The following PAPOLA variants were observed in gnomAD, a reference collection of about 807,000 sequenced individuals.
PAPOLA encodes the protein poly(A) polymerase alpha, also known as polynucleotide adenylyltransferase alpha.
Under a neutral mutation model 100.6 loss-of-function variants are expected in PAPOLA, and 15 were observed. The ratio of observed to expected loss-of-function variants is 0.15; its 90% CI spans 0.10 to 0.23. The LOEUF (loss-of-function observed/expected upper bound fraction) is 0.23, where lower values mean the gene tolerates loss of function less well. Among genes scored for constraint, PAPOLA ranks in the 10% least tolerant of loss-of-function variants. The probability of loss-of-function intolerance (pLI) is 1.00; values close to 1 mark genes in which losing one functional copy is unlikely to be tolerated. For synonymous variants in PAPOLA, 293 were observed against 300.0 expected (o/e 0.98, Z 0.24); for missense variants, 533 against 884.2 (o/e 0.60, Z 5.04).
intron 15 of PAPOLA, among the ~76,000 whole-genome samples, chr14:96,544,570 C>T (rs1330345676): frequency 6.6e-6 from 1 of 152,008 alleles, no homozygotes; most frequent in Non-Finnish European, 1.5e-5. Context: ...ATCATGTTGG[C>T]ACTCACAAAT....
chr14:96,533,267 T>G, intron 9 of PAPOLA: 1 of 984,916 alleles, frequency 1.0e-6, no homozygotes, highest in Non-Finnish European at 1.2e-6. Flanking sequence ...ATTAATTGCC[T>G]TGGCCCAAAA....
chr14:96,527,690 T>C, intron 5 of PAPOLA, 151 bp downstream of exon 5: 1 of 615,002 alleles, frequency 1.6e-6, no homozygotes, highest in Non-Finnish European at 2.9e-6. Flanking sequence ...TTTTATTCTT[T>C]ACAGCAAGCC....
chr14:96,538,113 A>G (rs571355689), intron 12 of PAPOLA, among the ~76,000 whole-genome samples: 1 of 152,148 alleles, frequency 6.6e-6, no homozygotes, highest in South Asian at 2.1e-4. Flanking sequence ...GTGTAGAGGA[A>G]GTACCTTGGA....
intron 3 of PAPOLA, among the ~76,000 whole-genome samples, chr14:96,521,489 AT>A (rs1215850294): frequency 6.6e-6 from 1 of 151,934 alleles, no homozygotes; most frequent in African/African-American, 2.4e-5. Context: ...TTATTTATTT[AT>A]TTTTTATTTA....
chr14:96,542,480 T>G, intron 13 of PAPOLA, 184 bp downstream of exon 13: 1 of 558,514 alleles, frequency 1.8e-6, no homozygotes, highest in South Asian at 2.7e-5. Flanking sequence ...CAACTTATTT[T>G]TTTGTTTGCT....
intron 2 of PAPOLA, among the ~76,000 whole-genome samples, chr14:96,520,613 G>A (rs913461001): frequency 1.7e-4 from 26 of 152,282 alleles, no homozygotes; most frequent in Admixed American, 7.8e-4. Flanking sequence ...CTGAGCCTTG[G>A]TCTCCCAAAG....
chr14:96,547,915 A>C lies in PAPOLA; in HGVS notation c.1518A>C (p.Lys506Asn). 6.2e-7 allele frequency: 1 copy of C among 1,600,570 alleles called. No individual in the cohort carries two copies. The highest frequency in any genetic ancestry group is 1.8e-5 in the Admixed American group (1 of 57,130). ...LLPNHVLQKK[K>N]KHSTEGVKLT... is the part of the protein sequence containing the mutation. The stretch of plus-strand genomic sequence containing the variant: ...CTAATCATGTGCTTCAGAAAAAGAA[A>C]AAGGTAAATTTAGAAAGTACTTACA... The change falls in exon 16 of 22, where the codon AAA becomes AAC. Residue 506 changes from lysine to asparagine, a missense_variant. Lys to Asn is a moderately conservative substitution (Grantham distance 94). Transcript: ENST00000216277.
At chr14:96,534,157 TTCAG>T in intron 9 of PAPOLA, 1 of 1,059,172 alleles carries the variant, frequency 9.4e-7, no homozygotes, top group Non-Finnish European at 1.1e-6. Context: ...AATTTTGTCT[TTCAG>T]TGGAGATTTA....
rs950439593 is a variant in PAPOLA, at chr14:96,542,644, G to A, written c.1170-130G>A. On this transcript the variant is annotated intron_variant, in intron 13 of 21. Coordinates refer to ENST00000216277, the MANE Select transcript of PAPOLA (RefSeq NM_032632.5). ...TTTTCCCCGTTGTTTGGCAATTTTG[G>A]GTAGAACATAAGGCTTCTGGTTTTA... 2.8e-5 allele frequency: 23 copies of A among 817,524 alleles called. No homozygotes were observed. The African/African-American group carries it at 4.0e-4, about 14-fold the overall frequency. 50.6% of individuals were successfully genotyped at this position (817,524 alleles called of 1,614,324 possible).
At position 96,533,317 on chromosome 14, in the gene PAPOLA, G is replaced by A. The variant is rs922374409; in HGVS notation, c.836+668G>A. On this transcript the variant is annotated intron_variant, in intron 9 of 21. Coordinates refer to ENST00000216277, the MANE Select transcript of PAPOLA (RefSeq NM_032632.5). ...GTTTTTAATCAAATTAAGATAAATC[G>A]TCCATTCCTGTTCTTATGAACTCCT... 2.1e-5 allele frequency: 21 copies of A among 983,786 alleles called. 1 individual carries two copies. Among genetic ancestry groups the A allele is most frequent in the African/African-American group, 2.1e-4 (12 of 57,268 alleles). The allele number at this position is 983,786 out of a possible 1,614,324, so 60.9% of individuals were successfully genotyped here.
At chr14:96,550,842 G>T (rs1376162179) in intron 16 of PAPOLA, among the ~76,000 whole-genome samples, 1 of 152,104 alleles carries the variant, frequency 6.6e-6, no homozygotes, top group African/African-American at 2.4e-5. Flanking sequence ...GTTTTGTTTG[G>T]ACTCTTATAA....
Position 96,562,866 on chromosome 14 carries a change from G to A in PAPOLA, c.2115G>A (p.Gln705=), listed in dbSNP as rs372089180. ...ETSTTQSETI[Q]TAASLLASQK... ...GTACAACTCAATCAGAAACTATTCA[G>A]ACAGCGGCTTCTCTGTTGGCCTCTC... The change falls in exon 21 of 22, where the codon CAG becomes CAA. Residue 705 remains glutamine (Q), a synonymous_variant. Coordinates refer to ENST00000216277, the MANE Select transcript of PAPOLA (RefSeq NM_032632.5). 59 of 1,612,294 alleles carry A rather than the reference G, an allele frequency of 3.7e-5. 1 individual carries two copies. The highest frequency in any genetic ancestry group is 4.9e-5 in the Non-Finnish European group (58 of 1,178,888).
intron 15 of PAPOLA, among the ~76,000 whole-genome samples, chr14:96,546,181 G>A (rs961678404): frequency 6.6e-6 from 1 of 151,976 alleles, no homozygotes; most frequent in Non-Finnish European, 1.5e-5. Context: ...TTTGACTCCT[G>A]TTTTTTCCAT....
At chr14:96,504,239 TA>T (rs1469683801) in intron 1 of PAPOLA, 1 of 152,236 alleles carries the variant, frequency 6.6e-6, no homozygotes, top group Non-Finnish European at 1.5e-5. Flanking sequence ...ATGTAAACCT[TA>T]AAAGGCTTCA....
Position 96,565,824 on chromosome 14 carries a change from A to G in PAPOLA, c.*774A>G, listed in dbSNP as rs1357858161. 2.3e-5 allele frequency: 9 copies of G among 397,526 alleles called. No homozygotes were observed. The East Asian group carries it at 2.8e-4, about 13-fold the overall frequency. The allele number at this position is 397,526 out of a possible 1,614,324, so 24.6% of individuals were successfully genotyped here. ...CTTTTGCCTTCAATCTGTTGTCTTC[A>G]AAACAAACAAACAAAAAAAGCTTCT... On this transcript the variant is annotated 3_prime_UTR_variant, in exon 22 of 22. Coordinates refer to ENST00000216277, the MANE Select transcript of PAPOLA (RefSeq NM_032632.5).
At chr14:96,533,463 A>T (rs1899221402) in intron 9 of PAPOLA, 1 of 984,152 alleles carries the variant, frequency 1.0e-6, no homozygotes, top group South Asian at 4.7e-5. Context: ...ACCATGCCAC[A>T]CTTTTCAGTA....
intron 15 of PAPOLA, among the ~76,000 whole-genome samples, chr14:96,545,232 A>G (rs1900296029): frequency 6.6e-6 from 1 of 152,112 alleles, no homozygotes; most frequent in Non-Finnish European, 1.5e-5. Context: ...TTAAAAAGTC[A>G]GTATCGTACA....
intron 1 of PAPOLA, among the ~76,000 whole-genome samples, chr14:96,509,179 G>A (rs1038996060): frequency 3.9e-5 from 6 of 152,130 alleles, no homozygotes; most frequent in South Asian, 2.1e-4. Context: ...CTACAGGCAC[G>A]CACCACCATA....
chr14:96,534,547 C>T lies in PAPOLA; in HGVS notation c.893C>T (p.Pro298Leu). 1 of 1,613,876 alleles carries T rather than the reference C, an allele frequency of 6.2e-7. No homozygotes were observed. The highest frequency in any genetic ancestry group is 8.5e-7 in the Non-Finnish European group (1 of 1,179,852). Residue 298 changes from proline (P) to leucine (L), a missense_variant, in exon 10 of 22, where the codon CCT becomes CTT. By Grantham distance (98) the Pro-to-Leu change is moderately conservative (BLOSUM62 -3). Coordinates refer to ENST00000216277, the MANE Select transcript of PAPOLA (RefSeq NM_032632.5). ...CCTGAAGAATGCAATCTTAATTTGC[C>T]TGTATGGGACCCAAGGGTTAGTGTA... ...KQPEECNLNL[P>L]VWDPRVNPSD... is the part of the protein sequence containing the mutation.
Sources: gnomAD v4.1 joint callset for allele counts (sites outside exome capture counted in the v4.1 genomes callset) on GRCh38, gnomAD v4.1.1 for gene constraint, MANE v1.5 for transcripts, NCBI Gene and HGNC (gene_info 2026-07-23, HGNC 2026-07-21) for gene names.